PALM2AKAP2: variants seen among roughly 807,000 people sequenced by gnomAD.
PALM2AKAP2 encodes PALM2 and AKAP2 fusion.
In PALM2AKAP2, 37 loss-of-function variants were observed where a neutral mutation model predicts 71.5. The observed-to-expected ratio is 0.52, with a 90% CI of 0.40 to 0.68. The LOEUF is 0.68. PALM2AKAP2 is among the 30% of genes least tolerant of loss of function. The probability of loss-of-function intolerance (pLI) is 0.00; values close to 1 mark genes in which losing one functional copy is unlikely to be tolerated. For missense variants in PALM2AKAP2, 1,224 were observed against 1,191.8 expected (o/e 1.03, Z -0.40); for synonymous variants, 468 against 478.8 (o/e 0.98, Z 0.29).
At chr9:109,962,779 A>C (rs935893575) in intron 6 of PALM2AKAP2, among the ~76,000 whole-genome samples, 2 of 151,924 alleles carry the variant, frequency 1.3e-5, no homozygotes, top group African/African-American at 4.8e-5. Context: ...AGTAGTTGGG[A>C]TTACAGGTGC....
At chr9:109,856,424 G>C (rs903304681) in intron 1 of PALM2AKAP2, among the ~76,000 whole-genome samples, 1 of 152,206 alleles carries the variant, frequency 6.6e-6, no homozygotes, top group African/African-American at 2.4e-5. Flanking sequence ...GATACATCAC[G>C]AAGTGAAGAA....
At chr9:109,656,008 T>C (rs1587856000) in intron 1 of PALM2AKAP2, among the ~76,000 whole-genome samples, 1 of 152,180 alleles carries the variant, frequency 6.6e-6, no homozygotes, top group African/African-American at 2.4e-5. Flanking sequence ...GTTGAGGCTA[T>C]TGAGGAAATG....
chr9:109,692,401 A>G (rs531355604), intron 1 of PALM2AKAP2, among the ~76,000 whole-genome samples: 26 of 152,028 alleles, frequency 1.7e-4, no homozygotes, highest in African/African-American at 5.8e-4. Flanking sequence ...TGAAAAATAT[A>G]GTCTTAATTA....
At position 109,781,071 on chromosome 9, in the gene PALM2AKAP2, G is replaced by C. The variant is rs113435257; in HGVS notation, c.45+538G>C. On this transcript the variant is annotated intron_variant, in intron 1 of 9. Transcript: ENST00000302798. ...GGCACTGGCACAAGCCACCACCCTG[G>C]AGGTCTGGGGACTTCATACAACTGG... 5.8e-3 allele frequency among the ~76,000 whole-genome samples: 889 copies of C among 152,322 alleles called. 7 individuals carry two copies. The highest frequency in any genetic ancestry group is 0.019 in the African/African-American group (795 of 41,572).
chr9:109,865,602 C>T (rs1328193654), intron 1 of PALM2AKAP2, among the ~76,000 whole-genome samples: 1 of 152,146 alleles, frequency 6.6e-6, no homozygotes, highest in Non-Finnish European at 1.5e-5. Flanking sequence ...TCTGATGGAA[C>T]AAAGTCACAG....
At chr9:109,855,542 C>A (rs183254241) in intron 1 of PALM2AKAP2, among the ~76,000 whole-genome samples, 1 of 152,258 alleles carries the variant, frequency 6.6e-6, no homozygotes, top group East Asian at 1.9e-4. Context: ...TAATGAAGTT[C>A]GTCAGTTTTG....
chr9:109,769,083 C>T (rs1485421957), intron 1 of PALM2AKAP2, among the ~76,000 whole-genome samples: 1 of 150,626 alleles, frequency 6.6e-6, no homozygotes, highest in African/African-American at 2.5e-5. Flanking sequence ...TAGTTTGTTT[C>T]TGCCTTATCA....
At chr9:109,888,300 C>T (rs764826350) in intron 3 of PALM2AKAP2, among the ~76,000 whole-genome samples, 34 of 152,196 alleles carry the variant, frequency 2.2e-4, no homozygotes, top group Non-Finnish European at 4.4e-4. Flanking sequence ...ACTCTCTGGA[C>T]TTAAGTGTCC....
At chr9:109,833,786 T>C (rs1828376330) in intron 1 of PALM2AKAP2, among the ~76,000 whole-genome samples, 1 of 152,222 alleles carries the variant, frequency 6.6e-6, no homozygotes, top group Non-Finnish European at 1.5e-5. Flanking sequence ...TGTTTCTGAA[T>C]ACCCCTGACC....
exon 2 of PALM2AKAP2, chr9:110,137,691 C>G (rs1465826269): frequency 6.2e-7 from 1 of 1,614,108 alleles, no homozygotes; most frequent in African/African-American, 1.3e-5. Context: ...TCTCAGGATA[C>G]CACAGTCCTG....
At chr9:109,736,514 G>A (rs990805071) in intron 1 of PALM2AKAP2, among the ~76,000 whole-genome samples, 6 of 152,098 alleles carry the variant, frequency 3.9e-5, no homozygotes, top group East Asian at 1.9e-4. Flanking sequence ...AGGCCTTGAC[G>A]TAGAGCCATT....
At chr9:109,738,165 A>C (rs1828665443) in intron 1 of PALM2AKAP2, among the ~76,000 whole-genome samples, 1 of 152,218 alleles carries the variant, frequency 6.6e-6, no homozygotes, top group Non-Finnish European at 1.5e-5. Context: ...TGTTTCCCTC[A>C]CAGTATATCT....
chr9:109,813,416 C>T (rs575274574), intron 1 of PALM2AKAP2, among the ~76,000 whole-genome samples: 2 of 127,682 alleles, frequency 1.6e-5, no homozygotes, highest in South Asian at 2.3e-4. Flanking sequence ...CAATCTGTAA[C>T]GGCCTCTGGT....
chr9:110,088,584 G>A (rs535290554), intron 1 of PALM2AKAP2, among the ~76,000 whole-genome samples: 3 of 151,744 alleles, frequency 2.0e-5, no homozygotes, highest in South Asian at 2.1e-4. Context: ...GGTAGTCAGC[G>A]TGAATTGGCT....
chr9:110,021,626 A>G (rs548484741), intron 7 of PALM2AKAP2, among the ~76,000 whole-genome samples: 2 of 152,106 alleles, frequency 1.3e-5, no homozygotes, highest in African/African-American at 4.8e-5. Flanking sequence ...GAGAACCACT[A>G]ACTTTTTTCA....
intron 1 of PALM2AKAP2, among the ~76,000 whole-genome samples, chr9:109,812,242 G>A (rs1827744059): frequency 1.3e-5 from 2 of 152,188 alleles, no homozygotes; most frequent in Admixed American, 1.3e-4. Context: ...GGAGAAGGGA[G>A]GAGGCAGCTT....
At chr9:109,717,909 G>T (rs988686437) in intron 1 of PALM2AKAP2, among the ~76,000 whole-genome samples, 1 of 152,220 alleles carries the variant, frequency 6.6e-6, no homozygotes, top group African/African-American at 2.4e-5. Flanking sequence ...ATGAAAGAGA[G>T]AAAGTAAGAG....
intron 3 of PALM2AKAP2, among the ~76,000 whole-genome samples, chr9:109,888,989 A>G (rs929196173): frequency 5.3e-5 from 8 of 152,224 alleles, no homozygotes; most frequent in African/African-American, 1.9e-4. Flanking sequence ...CTCCAAGTTG[A>G]GAACTACTGC....
At chr9:110,010,188 C>T (rs1232680220) in intron 6 of PALM2AKAP2, among the ~76,000 whole-genome samples, 6 of 152,078 alleles carry the variant, frequency 3.9e-5, no homozygotes, top group South Asian at 2.1e-4. Flanking sequence ...TTTCTCCTAT[C>T]GCAGGGAAAT....
Sources: allele counts gnomAD v4.1 joint callset (sites outside exome capture counted in the v4.1 genomes callset), GRCh38; gene constraint gnomAD v4.1.1; transcripts MANE v1.5; gene names NCBI Gene and HGNC (gene_info 2026-07-23, HGNC 2026-07-21).